TMEM200A: variants seen among roughly 807,000 people sequenced by gnomAD.
TMEM200A encodes two transmembrane C.
TMEM200A carries 12 observed loss-of-function variants against 24.3 expected under a neutral mutation model. The ratio of observed to expected loss-of-function variants is 0.49; its 90% confidence interval spans 0.32 to 0.80. The LOEUF is 0.80. TMEM200A is among the 30% of genes least tolerant of loss of function. The pLI is 0.04. For missense variants in TMEM200A, 545 were observed against 614.4 expected, an observed-to-expected ratio of 0.89 and a Z score of 1.19; for synonymous variants, 224 against 224.4, an observed-to-expected ratio of 1.00 and a Z score of 0.02.
chr6:130,388,355 C>T (rs1297085305), intron 2 of TMEM200A, among the ~76,000 whole-genome samples: 1 of 152,188 alleles, frequency 6.6e-6, no homozygotes, highest in African/African-American at 2.4e-5. Flanking sequence ...AGGATATTAG[C>T]TGTGTAGATG....
At chr6:130,381,993 A>T in intron 1 of TMEM200A, 1 of 983,844 alleles carries the variant, frequency 1.0e-6, no homozygotes, top group Non-Finnish European at 1.2e-6. Context: ...TCCTTCAAAG[A>T]TAGTTTTAAA....
chr6:130,430,427 C>G (rs998869626), intron 2 of TMEM200A, among the ~76,000 whole-genome samples: 1 of 152,100 alleles, frequency 6.6e-6, no homozygotes, highest in Non-Finnish European at 1.5e-5. Flanking sequence ...GAAAGAAAAA[C>G]AGACCGAGAA....
At chr6:130,367,557 G>C (rs1467101742) in intron 1 of TMEM200A, among the ~76,000 whole-genome samples, 1 of 152,072 alleles carries the variant, frequency 6.6e-6, no homozygotes, top group Non-Finnish European at 1.5e-5. Context: ...TTTGTTATTT[G>C]GCTACTGATA....
intron 2 of TMEM200A, among the ~76,000 whole-genome samples, chr6:130,429,295 G>A (rs1275460012): frequency 6.6e-6 from 1 of 152,166 alleles, no homozygotes; most frequent in Non-Finnish European, 1.5e-5. Context: ...GCCGAGGTGG[G>A]CGGATCACCT....
chr6:130,415,500 A>G (rs1779428580), intron 2 of TMEM200A, among the ~76,000 whole-genome samples: 1 of 152,214 alleles, frequency 6.6e-6, no homozygotes, highest in African/African-American at 2.4e-5. Context: ...AATGAAAACA[A>G]AACTATTTAC....
chr6:130,440,331 GT>G, intron 2 of TMEM200A, 75 bp from the exon 3 acceptor site: 3 of 1,395,002 alleles, frequency 2.2e-6, no homozygotes, highest in Non-Finnish European at 2.8e-6. Flanking sequence ...TGTGTAAACA[GT>G]TGTTTAATTG....
intron 1 of TMEM200A, among the ~76,000 whole-genome samples, chr6:130,380,189 A>C (rs1448733834): frequency 6.6e-6 from 1 of 152,188 alleles, no homozygotes; most frequent in African/African-American, 2.4e-5. Context: ...ATACTGTCAG[A>C]ACAGAATAGA....
intron 2 of TMEM200A, among the ~76,000 whole-genome samples, chr6:130,436,299 C>T (rs1402484067): frequency 2.0e-5 from 3 of 151,998 alleles, no homozygotes; most frequent in African/African-American, 7.2e-5. Flanking sequence ...CATTGCCTGA[C>T]CATAAGCAGT....
At chr6:130,397,602 T>C (rs1472594719) in intron 2 of TMEM200A, among the ~76,000 whole-genome samples, 1 of 150,592 alleles carries the variant, frequency 6.6e-6, no homozygotes, top group Non-Finnish European at 1.5e-5. Context: ...CTTTGTGTCA[T>C]TTATGTTTTA....
At chr6:130,410,858 A>C (rs1779313687) in intron 2 of TMEM200A, among the ~76,000 whole-genome samples, 1 of 152,210 alleles carries the variant, frequency 6.6e-6, no homozygotes, top group African/African-American at 2.4e-5. Flanking sequence ...GGAGACTGCA[A>C]TGCCTTTAGT....
At chr6:130,429,922 A>G (rs1779836175) in intron 2 of TMEM200A, among the ~76,000 whole-genome samples, 1 of 152,296 alleles carries the variant, frequency 6.6e-6, no homozygotes, top group East Asian at 1.9e-4. Flanking sequence ...ATGAGAAAAC[A>G]TTCTTCTCTG....
intron 2 of TMEM200A, among the ~76,000 whole-genome samples, chr6:130,393,004 A>T (rs1778870994): frequency 6.6e-6 from 1 of 152,250 alleles, no homozygotes; most frequent in African/African-American, 2.4e-5. Flanking sequence ...CTAGGATTCC[A>T]TAAGATTGAA....
Position 130,440,829 on chromosome 6 carries a change from G to A in TMEM200A, c.407G>A (p.Gly136Asp). Residue 136 changes from glycine to aspartate, a missense_variant, in exon 3 of 3, where the codon GGC (glycine) becomes GAC (aspartate). Physicochemically the swap from Gly to Asp is moderately conservative, Grantham distance 94 (BLOSUM62 -1). Coordinates refer to ENST00000296978, the MANE Select transcript of TMEM200A (RefSeq NM_001258277.2). ...CTTGGCCCATTCACCATGGGGATTG[G>A]CATTTTCATTTTCATTTGTGCTAAT... is the stretch of plus-strand genomic sequence containing the variant. ...KMLGPFTMGI[G>D]IFIFICANAI... is the part of the protein sequence containing the mutation. The A allele has an allele frequency of 6.2e-7, 1 of 1,613,824 alleles. No individual in the cohort carries two copies. The highest frequency in any genetic ancestry group is 8.5e-7 in the Non-Finnish European group (1 of 1,179,872).
chr6:130,423,914 T>C (rs1367779685), intron 2 of TMEM200A, among the ~76,000 whole-genome samples: 5 of 152,146 alleles, frequency 3.3e-5, no homozygotes, highest in African/African-American at 1.2e-4. Context: ...TAATTTCTTA[T>C]AGAAGTGAGT....
At chr6:130,375,044 A>G (rs1388013711) in intron 1 of TMEM200A, among the ~76,000 whole-genome samples, 1 of 152,200 alleles carries the variant, frequency 6.6e-6, no homozygotes, top group Non-Finnish European at 1.5e-5. Flanking sequence ...CAACTATTAT[A>G]TTCCTACAAA....
chr6:130,439,164 C>A (rs1158944758), intron 2 of TMEM200A: 1 of 152,130 alleles, frequency 6.6e-6, no homozygotes, highest in African/African-American at 2.4e-5. Context: ...TTATTCTGCT[C>A]TTTAAACAAC....
chr6:130,381,884 G>A (rs1778606037), intron 1 of TMEM200A: 1 of 983,766 alleles, frequency 1.0e-6, no homozygotes, highest in Non-Finnish European at 1.2e-6. Context: ...CATTTGAAAG[G>A]ATGGTTAACC....
chr6:130,423,697 C>G (rs993735597), intron 2 of TMEM200A, among the ~76,000 whole-genome samples: 8 of 151,974 alleles, frequency 5.3e-5, no homozygotes, highest in African/African-American at 1.9e-4. Flanking sequence ...GCTTTGGAGA[C>G]AGATGATCCA....
chr6:130,377,837 A>G (rs1215545448), intron 1 of TMEM200A, among the ~76,000 whole-genome samples: 3 of 152,214 alleles, frequency 2.0e-5, no homozygotes, highest in Non-Finnish European at 2.9e-5. Flanking sequence ...TGTGACAAAT[A>G]AGAAGAAGAA....
Sources: gnomAD v4.1 joint callset for allele counts (sites outside exome capture counted in the v4.1 genomes callset) on GRCh38, gnomAD v4.1.1 for gene constraint, MANE v1.5 for transcripts, NCBI Gene and HGNC (gene_info 2026-07-23, HGNC 2026-07-21) for gene names.